The following TMEM209 variants were observed in gnomAD, a reference collection of about 807,000 sequenced individuals.
TMEM209 encodes testicular tissue protein Li 202.
A neutral mutation model predicts 76.2 loss-of-function variants in TMEM209; 65 were observed. That is an observed-to-expected ratio of 0.85 (90% CI 0.70 to 1.05). The LOEUF (loss-of-function observed/expected upper bound fraction) is 1.05, where lower values mean the gene tolerates loss of function less well. TMEM209 is among the 50% of genes least tolerant of loss of function. The pLI is 0.00. For synonymous variants in TMEM209, 239 were observed against 237.6 expected (o/e 1.01, Z -0.06); for missense variants, 623 against 685.5 (o/e 0.91, Z 1.02).
chr7:130,181,764 A>G (rs996960074), intron 8 of TMEM209, 45 bp from the exon 9 acceptor site: 3 of 1,477,780 alleles, frequency 2.0e-6, no homozygotes, highest in African/African-American at 2.8e-5. Context: ...ATTCCCAAGT[A>G]GCTGTCAAAT....
intron 6 of TMEM209, among the ~76,000 whole-genome samples, chr7:130,191,650 T>C (rs1205755778): frequency 1.3e-5 from 2 of 152,160 alleles, no homozygotes; most frequent in East Asian, 3.8e-4. Context: ...ACCAAGCCTT[T>C]TCAGGCTTGA....
chr7:130,189,061 A>G (rs1797706821), intron 6 of TMEM209, among the ~76,000 whole-genome samples: 1 of 152,218 alleles, frequency 6.6e-6, no homozygotes, highest in South Asian at 2.1e-4. Flanking sequence ...TAAATGCAAT[A>G]TGTGATACCT....
intron 5 of TMEM209, among the ~76,000 whole-genome samples, chr7:130,198,870 G>C (rs1417374747): frequency 6.6e-6 from 1 of 151,970 alleles, no homozygotes; most frequent in Non-Finnish European, 1.5e-5. Context: ...CAAATAGAAA[G>C]GTACAATATT....
chr7:130,178,582 G>T (rs1797316526), intron 9 of TMEM209, 55 bp from the exon 10 acceptor site: 1 of 1,598,602 alleles, frequency 6.3e-7, no homozygotes, highest in South Asian at 1.1e-5. Context: ...GTTTCCAAAA[G>T]AACTTAAAAT....
At position 130,175,515 on chromosome 7, in the gene TMEM209, A is replaced by G. The variant is rs149486512; in HGVS notation, c.1341T>C (p.Ser447=). The G allele has an allele frequency of 4.2e-3, 6,822 of 1,611,730 alleles. 26 individuals carry two copies. The highest frequency in any genetic ancestry group is 5.1e-3 in the Non-Finnish European group (6,003 of 1,178,862). ...ATGAAAGAATCTAGGGGCTTACAGC[A>G]GAATCGGTGGGCAGGTCTGTATCCC... ...RKWDTDLPTD[S]AIIMHVFCTY... The change falls in exon 11 of 15, where the codon TCT becomes TCC. Residue 447 remains serine (S), a synonymous_variant. Transcript: ENST00000397622.
rs373959602 is a variant in TMEM209, at chr7:130,192,755, T to A, written c.642A>T (p.Gly214=). The change falls in exon 6 of 15, where the codon GGA becomes GGT. Residue 214 remains glycine, a synonymous_variant. Coordinates refer to ENST00000397622, the MANE Select transcript of TMEM209 (RefSeq NM_032842.4). ...PTTVGPVESS[G]LRSRYRSSPT... ...GTGAAGAACGGTAGCGAGATCTCAA[T>A]CCACTGCTCTCCACTGGTCCAACAG... The A allele has an allele frequency of 4.5e-5, 73 of 1,613,826 alleles. No individual in the cohort carries two copies. Among genetic ancestry groups the A allele is most frequent in the Non-Finnish European group, 6.0e-5 (71 of 1,179,842 alleles).
In TMEM209 at chr7:130,178,440, A is replaced by T; in HGVS notation, c.1208T>A (p.Leu403His). The change falls in exon 10 of 15, where the codon CTT becomes CAT. Residue 403 changes from leucine (L) to histidine (H), a missense_variant. Physicochemically the swap from Leu to His is moderately conservative, Grantham distance 99. Coordinates refer to ENST00000397622, the MANE Select transcript of TMEM209 (RefSeq NM_032842.4). ...AAACAAGTATTCCTGATTTGGAGTAAGGTCTAGATACTGAACGATTGTGTT... is the reference window on the plus strand; with the variant it reads ...AAACAAGTATTCCTGATTTGGAGTATGGTCTAGATACTGAACGATTGTGTT... The part of the protein sequence containing the change: ...TLNTIVQYLD[L>H]TPNQEYLFER... 1 of 1,613,082 alleles carries T rather than the reference A, an allele frequency of 6.2e-7. No individual in the cohort carries two copies.
chr7:130,200,151 CTA>C (rs67450804), intron 5 of TMEM209, among the ~76,000 whole-genome samples: 20 of 148,534 alleles, frequency 1.3e-4, no homozygotes, highest in Non-Finnish European at 1.6e-4. Context: ...TTCTCTCTCT[CTA>C]TATATATATA....
chr7:130,199,856 GA>G (rs1798125483), intron 5 of TMEM209: 1 of 152,048 alleles, frequency 6.6e-6, no homozygotes, highest in South Asian at 2.1e-4. Context: ...AGTCCACAAT[GA>G]AACTGCTACA....
At position 130,170,437 on chromosome 7, in the gene TMEM209, G is replaced by C; in HGVS notation, c.1594C>G (p.Leu532Val). The C allele has an allele frequency of 6.2e-7, 1 of 1,612,988 alleles. No homozygotes were observed. The highest frequency in any genetic ancestry group is 8.5e-7 in the Non-Finnish European group (1 of 1,179,658). The change falls in exon 14 of 15, where the codon CTC (leucine) becomes GTC (valine). Residue 532 changes from leucine (L) to valine (V), a missense_variant. Physicochemically the swap from Leu to Val is conservative, Grantham distance 32 (BLOSUM62 1). Coordinates refer to ENST00000397622, the MANE Select transcript of TMEM209 (RefSeq NM_032842.4). ...NNMFHTLLMF[L>V]YIIKTKESGM... is the part of the protein sequence containing the mutation. ...GACTCTTTGGTCTTTATGATGTAGA[G>C]AAACATCAACAATGTATGAAACATA... is the stretch of plus-strand genomic sequence containing the variant.
chr7:130,185,158 C>T, intron 7 of TMEM209, 34 bp downstream of exon 7: 1 of 1,583,630 alleles, frequency 6.3e-7, no homozygotes, highest in African/African-American at 1.4e-5. Flanking sequence ...ATGCATAAAT[C>T]ATAAATATTA....
At chr7:130,205,320 C>G (rs943534693) in intron 1 of TMEM209, 53 bp downstream of exon 1, 12 of 1,613,702 alleles carry the variant, frequency 7.4e-6, no homozygotes, top group Non-Finnish European at 1.7e-6. Context: ...GGAACTCCCA[C>G]AACCCGCGTA....
At chr7:130,190,115 T>C (rs1034087872) in intron 6 of TMEM209, among the ~76,000 whole-genome samples, 1 of 152,140 alleles carries the variant, frequency 6.6e-6, no homozygotes, top group African/African-American at 2.4e-5. Context: ...CATAAGTGAA[T>C]GATTAGGGAG....
intron 13 of TMEM209, among the ~76,000 whole-genome samples, chr7:130,173,170 ACT>A (rs1797129139): frequency 6.6e-6 from 1 of 151,876 alleles, no homozygotes; most frequent in African/African-American, 2.4e-5. Flanking sequence ...ACATGGAGAG[ACT>A]CTGTCTCTAC....
Position 130,200,917 on chromosome 7 carries a change from G to A in TMEM209, c.573+933C>T, listed in dbSNP as rs536137754. 4.0e-5 allele frequency among the ~76,000 whole-genome samples: 6 copies of A among 151,740 alleles called. No homozygotes were observed. The East Asian group carries it at 7.7e-4, about 20-fold the overall frequency. On this transcript the variant is annotated intron_variant, in intron 5 of 14. Coordinates refer to ENST00000397622, the MANE Select transcript of TMEM209 (RefSeq NM_032842.4). ...ATCCTGGCTAACATGGCGAAACCCC[G>A]TCTCTACTGAAAGTACAAAAAATTA...
At chr7:130,186,968 C>G (rs764948446) in intron 6 of TMEM209, among the ~76,000 whole-genome samples, 1 of 152,122 alleles carries the variant, frequency 6.6e-6, no homozygotes, top group African/African-American at 2.4e-5. Flanking sequence ...TAGGCCAGTG[C>G]GCGGTGGCTC....
In TMEM209 at chr7:130,173,723, G is replaced by C; in HGVS notation, c.1466C>G (p.Thr489Arg). 1 of 1,613,520 alleles carries C rather than the reference G, an allele frequency of 6.2e-7. No individual in the cohort carries two copies. The highest frequency in any genetic ancestry group is 1.1e-5 in the South Asian group (1 of 91,036). The change falls in exon 13 of 15, where the codon ACA (threonine) becomes AGA (arginine). Residue 489 changes from threonine (T) to arginine (R), a missense_variant. Thr to Arg is a moderately conservative substitution (Grantham distance 71). Coordinates refer to ENST00000397622, the MANE Select transcript of TMEM209 (RefSeq NM_032842.4). ...FVQTPNKPDV[T>R]NENVFCIYQS... Reference sequence around the variant, plus strand: ...ATAAATGCAAAAAACATTCTCATTTGTAACATCTGTAAAGGAAGGCAATAT... The same window carrying C: ...ATAAATGCAAAAAACATTCTCATTTCTAACATCTGTAAAGGAAGGCAATAT...
At chr7:130,170,145 T>C (rs1797022627) in intron 14 of TMEM209, among the ~76,000 whole-genome samples, 1 of 152,226 alleles carries the variant, frequency 6.6e-6, no homozygotes, top group African/African-American at 2.4e-5. Flanking sequence ...AATTTTTATC[T>C]ATCTCTGAAT....
chr7:130,203,462 T>C (rs1798293844), intron 3 of TMEM209, among the ~76,000 whole-genome samples: 3 of 152,232 alleles, frequency 2.0e-5, no homozygotes, highest in Non-Finnish European at 2.9e-5. Flanking sequence ...AGCAGAAATC[T>C]GGGCTGGTCT....
Sources: allele counts gnomAD v4.1 joint callset (sites outside exome capture counted in the v4.1 genomes callset), GRCh38; gene constraint gnomAD v4.1.1; transcripts MANE v1.5; gene names NCBI Gene and HGNC (gene_info 2026-07-23, HGNC 2026-07-21).